Variants in MLLT10 observed in about 807,000 individuals in gnomAD.
MLLT10 encodes the protein protein AF-10.
MLLT10 carries 30 observed loss-of-function variants against 129.1 expected under a neutral mutation model. The observed-to-expected ratio is 0.23, with a 90% CI of 0.17 to 0.32. The LOEUF is 0.32. Ranked by LOEUF, MLLT10 falls within the 10% of genes least tolerant of loss-of-function variation. The pLI is 1.00. For missense variants in MLLT10, 1,119 were observed against 1,268.3 expected, an observed-to-expected ratio of 0.88 and a Z score of 1.79; for synonymous variants, 490 against 446.4, an observed-to-expected ratio of 1.10 and a Z score of -1.23.
At chr10:21,720,438 T>C (rs1424331887) in intron 14 of MLLT10, among the ~76,000 whole-genome samples, 1 of 152,232 alleles carries the variant, frequency 6.6e-6, no homozygotes, top group Non-Finnish European at 1.5e-5. Context: ...TCTTAGTAAA[T>C]ATAAAGTTTG....
chr10:21,691,049 G>A (rs771123578), intron 13 of MLLT10, among the ~76,000 whole-genome samples: 1 of 151,964 alleles, frequency 6.6e-6, no homozygotes, highest in Non-Finnish European at 1.5e-5. Flanking sequence ...TCTTCCTTAC[G>A]GTAATCTTCT....
chr10:21,734,619 A>G (rs2058213851), intron 20 of MLLT10, among the ~76,000 whole-genome samples: 2 of 152,162 alleles, frequency 1.3e-5, no homozygotes, highest in South Asian at 2.1e-4. Flanking sequence ...GACTAAAGCT[A>G]TGTTGTTATT....
At chr10:21,618,179 A>G (rs556423505) in intron 8 of MLLT10, among the ~76,000 whole-genome samples, 3 of 152,188 alleles carry the variant, frequency 2.0e-5, no homozygotes, top group African/African-American at 4.8e-5. Flanking sequence ...TCACATTTGT[A>G]AATATGATTT....
intron 9 of MLLT10, among the ~76,000 whole-genome samples, chr10:21,660,473 G>A (rs912201547): frequency 9.2e-5 from 14 of 151,374 alleles, no homozygotes; most frequent in African/African-American, 2.4e-5. Context: ...AAAATTAGCC[G>A]GGCATCGTGG....
intron 13 of MLLT10, among the ~76,000 whole-genome samples, chr10:21,684,134 C>T (rs994132925): frequency 4.6e-5 from 7 of 152,096 alleles, no homozygotes; most frequent in Non-Finnish European, 8.8e-5. Flanking sequence ...CCTCAGTCCC[C>T]TGAGTAGATA....
chr10:21,609,556 G>C (rs1440238188), intron 5 of MLLT10, among the ~76,000 whole-genome samples: 1 of 152,158 alleles, frequency 6.6e-6, no homozygotes, highest in African/African-American at 2.4e-5. Context: ...GTGCAGCCTA[G>C]TTCATGTGCA....
intron 12 of MLLT10, 45 bp from the exon 13 acceptor site, chr10:21,682,180 T>C: frequency 6.4e-7 from 1 of 1,561,500 alleles, no homozygotes. Context: ...TTTTGTGTGT[T>C]TGAGAATGAT....
intron 11 of MLLT10, among the ~76,000 whole-genome samples, 174 bp downstream of exon 11, chr10:21,674,093 A>T (rs1169359813): frequency 6.6e-6 from 1 of 152,226 alleles, no homozygotes; most frequent in African/African-American, 2.4e-5. Flanking sequence ...AAATATCTTA[A>T]AGTCTTAGAT....
At chr10:21,575,517 T>G (rs1323297726) in intron 3 of MLLT10, among the ~76,000 whole-genome samples, 1 of 152,178 alleles carries the variant, frequency 6.6e-6, no homozygotes, top group Non-Finnish European at 1.5e-5. Context: ...TAATTTTATA[T>G]CTTTTTTTCT....
chr10:21,700,160 C>CT (rs2054773826), intron 13 of MLLT10, among the ~76,000 whole-genome samples: 1 of 130,924 alleles, frequency 7.6e-6, no homozygotes, highest in Non-Finnish European at 1.7e-5. Context: ...GCCTTGATTT[C>CT]TTTTTTTGCT....
intron 3 of MLLT10, among the ~76,000 whole-genome samples, chr10:21,550,659 G>T (rs1251051888): frequency 1.3e-5 from 2 of 152,090 alleles, no homozygotes; most frequent in African/African-American, 4.8e-5. Flanking sequence ...AGCCTTATGA[G>T]TAGCTGGGAC....
intron 14 of MLLT10, among the ~76,000 whole-genome samples, chr10:21,722,743 C>T (rs545091660): frequency 6.6e-6 from 1 of 152,184 alleles, no homozygotes; most frequent in East Asian, 1.9e-4. Flanking sequence ...TTGGAGGTAC[C>T]CAGTCTTTCC....
intron 8 of MLLT10, among the ~76,000 whole-genome samples, chr10:21,643,851 T>C (rs2048241498): frequency 6.6e-6 from 1 of 152,238 alleles, no homozygotes; most frequent in Non-Finnish European, 1.5e-5. Flanking sequence ...TTCATTGAAT[T>C]CTCTGCTTCA....
intron 11 of MLLT10, among the ~76,000 whole-genome samples, chr10:21,674,466 T>C (rs780118545): frequency 1.3e-5 from 2 of 152,206 alleles, no homozygotes; most frequent in African/African-American, 2.4e-5. Context: ...TCAGGAGATA[T>C]CTGAAATGAT....
chr10:21,678,721 T>C (rs548243798), intron 11 of MLLT10, among the ~76,000 whole-genome samples: 5 of 152,194 alleles, frequency 3.3e-5, no homozygotes, highest in Admixed American at 6.5e-5. Flanking sequence ...GTTACCATTA[T>C]GAAAGAATTT....
At chr10:21,682,175 T>A in intron 12 of MLLT10, 50 bp from the exon 13 acceptor site, 1 of 1,523,590 alleles carries the variant, frequency 6.6e-7, no homozygotes, top group Non-Finnish European at 9.0e-7. Context: ...ATTTCTTTTG[T>A]GTGTTTGAGA....
intron 3 of MLLT10, among the ~76,000 whole-genome samples, chr10:21,539,959 A>G (rs1588773835): frequency 6.6e-6 from 1 of 151,480 alleles, no homozygotes; most frequent in Non-Finnish European, 1.5e-5. Context: ...AAAAAAAAAA[A>G]CAAAAAGGAG....
chr10:21,602,965 C>A (rs2043696762), intron 5 of MLLT10, among the ~76,000 whole-genome samples: 1 of 151,954 alleles, frequency 6.6e-6, no homozygotes, highest in Admixed American at 6.6e-5. Context: ...ATCTCCTGAC[C>A]TGGTGATCCA....
chr10:21,612,157 T>C (rs2044722670), intron 5 of MLLT10, among the ~76,000 whole-genome samples, 191 bp from the exon 6 acceptor site: 2 of 152,150 alleles, frequency 1.3e-5, no homozygotes, highest in Non-Finnish European at 2.9e-5. Context: ...TAGGACTATT[T>C]GTATGTCTTT....
Sources: gnomAD v4.1 joint callset for allele counts (sites outside exome capture counted in the v4.1 genomes callset) on GRCh38, gnomAD v4.1.1 for gene constraint, MANE v1.5 for transcripts, NCBI Gene and HGNC (gene_info 2026-07-23, HGNC 2026-07-21) for gene names.